SMPDL3B: variants seen among roughly 807,000 people sequenced by gnomAD.
SMPDL3B encodes acid sphingomyelinase-like phosphodiesterase 3b.
In SMPDL3B, 31 loss-of-function variants were observed where a neutral mutation model predicts 37.9. That is an observed-to-expected ratio of 0.82 (90% CI 0.61 to 1.10). The LOEUF (loss-of-function observed/expected upper bound fraction) is 1.10. Among genes scored for constraint, SMPDL3B ranks in the 50% least tolerant of loss-of-function variants. The pLI is 0.00. For missense variants in SMPDL3B, 525 were observed against 597.8 expected (o/e 0.88, Z 1.27); for synonymous variants, 235 against 242.6 (o/e 0.97, Z 0.29).
intron 1 of SMPDL3B, among the ~76,000 whole-genome samples, chr1:27,941,894 T>C (rs1350503955): frequency 2.6e-5 from 4 of 152,094 alleles, no homozygotes; most frequent in Non-Finnish European, 2.9e-5. Context: ...GAGTTGGAGC[T>C]GCCCACCTGG....
chr1:27,945,574 A>C lies in SMPDL3B; in HGVS notation c.275+129A>C. On this transcript the variant is annotated intron_variant, in intron 2 of 7. Coordinates refer to ENST00000373894, the MANE Select transcript of SMPDL3B (RefSeq NM_014474.4). The surrounding 1 kb of genome is among the most constrained non-coding windows in gnomAD (Gnocchi z 4.0). ...GTCTCACGTGAGGCTGAGGAACCTAAAGCTCAAAGGAATTTTGTAACTTGC... is the reference window on the plus strand; with the variant it reads ...GTCTCACGTGAGGCTGAGGAACCTACAGCTCAAAGGAATTTTGTAACTTGC... The C allele has an allele frequency of 1.3e-6, 1 of 763,956 alleles. No individual in the cohort carries two copies. Among genetic ancestry groups the C allele is most frequent in the Non-Finnish European group, 2.2e-6 (1 of 455,404 alleles). The allele number at this position is 763,956 out of a possible 1,614,324, so 47.3% of individuals were successfully genotyped here. A position where few individuals can be genotyped will look rare whatever the true frequency, so the allele number is the denominator to read the frequency against.
At position 27,954,519 on chromosome 1, in the gene SMPDL3B, G is replaced by C; in HGVS notation, c.683G>C (p.Gly228Ala). The change falls in exon 5 of 8, where the codon GGG (glycine) becomes GCG (alanine). Residue 228 changes from glycine to alanine, a missense_variant. By Grantham distance (60) the Gly-to-Ala change is moderately conservative. Transcript: ENST00000373894. ...EDVLTDASKAGDMVYIVGHVP... is the reference protein window; with the variant it reads ...EDVLTDASKAADMVYIVGHVP... ...GTGCTGACCGATGCATCCAAAGCTGGGGACATGGTAAGAGGCCCTGCTTCT... is the reference window on the plus strand; with the variant it reads ...GTGCTGACCGATGCATCCAAAGCTGCGGACATGGTAAGAGGCCCTGCTTCT... 6.2e-7 allele frequency: 1 copy of C among 1,613,732 alleles called. No individual in the cohort carries two copies. The highest frequency in any genetic ancestry group is 8.5e-7 in the Non-Finnish European group (1 of 1,179,930).
At chr1:27,953,121 C>T in intron 3 of SMPDL3B, 94 bp from the exon 4 acceptor site, 1 of 910,982 alleles carries the variant, frequency 1.1e-6, no homozygotes, top group African/African-American at 1.7e-5. Context: ...TCGCTCTTCC[C>T]CTTGAGCTCT....
At position 27,958,638 on chromosome 1, in the gene SMPDL3B, C is replaced by A; in HGVS notation, c.1168C>A (p.Gln390Lys). Residue 390 changes from glutamine to lysine, a missense_variant, in exon 8 of 8, where the codon CAG becomes AAG. Gln to Lys is a moderately conservative substitution (Grantham distance 53). Transcript: ENST00000373894. This position sits in a 1 kb window ranked among gnomAD's most constrained non-coding sequence, Gnocchi z 5.6. ...DRIAGDQSTL[Q>K]RYYVYNSVSY... ...CATCGCTGGCGACCAGAGCACACTG[C>A]AGCGCTACTACGTCTATAACTCAGT... 6.2e-7 allele frequency: 1 copy of A among 1,613,842 alleles called. No individual in the cohort carries two copies. Among genetic ancestry groups the A allele is most frequent in the Non-Finnish European group, 8.5e-7 (1 of 1,179,890 alleles).
At chr1:27,953,452 T>A in intron 4 of SMPDL3B, 94 bp downstream of exon 4, 2 of 1,141,338 alleles carry the variant, frequency 1.8e-6, no homozygotes, top group East Asian at 4.9e-5. Context: ...AGTACTGATT[T>A]TATCCCCAAT....
chr1:27,935,323 C>A, intron 1 of SMPDL3B, 79 bp downstream of exon 1: 1 of 1,062,296 alleles, frequency 9.4e-7, no homozygotes, highest in Non-Finnish European at 1.4e-6. Context: ...TCGCAGCCAG[C>A]TTGAAGGTGC....
At chr1:27,957,435 C>A (rs1557501647) in intron 7 of SMPDL3B, among the ~76,000 whole-genome samples, 1 of 152,020 alleles carries the variant, frequency 6.6e-6, no homozygotes, top group African/African-American at 2.4e-5. Flanking sequence ...GATCAGGCTT[C>A]GGAGGGTCAG....
chr1:27,950,922 G>A (rs1159145087), intron 3 of SMPDL3B, among the ~76,000 whole-genome samples: 4 of 152,128 alleles, frequency 2.6e-5, no homozygotes, highest in South Asian at 2.1e-4. Context: ...GAGCCACTGC[G>A]CCTGGCCTGT....
Position 27,955,696 on chromosome 1 carries a change from G to A in SMPDL3B, c.703G>A (p.Gly235Ser), listed in dbSNP as rs767118489. 149 of 1,613,330 alleles carry A rather than the reference G, an allele frequency of 9.2e-5. No individual in the cohort carries two copies. The highest frequency in any genetic ancestry group is 1.7e-4 in the Middle Eastern group (1 of 5,936). The stretch of plus-strand genomic sequence containing the variant: ...CCCTCCCTTGTAGGTGTACATTGTC[G>A]GCCACGTGCCCCCGGGGTTCTTTGA... ...SKAGDMVYIVGHVPPGFFEKT... is the reference protein window; with the variant it reads ...SKAGDMVYIVSHVPPGFFEKT... The change falls in exon 6 of 8, where the codon GGC (glycine) becomes AGC (serine). Residue 235 changes from glycine to serine, a missense_variant. Coordinates refer to ENST00000373894, the MANE Select transcript of SMPDL3B (RefSeq NM_014474.4).
chr1:27,945,299 G>A lies in SMPDL3B; in HGVS notation c.129G>A (p.Gln43=). Residue 43 remains glutamine (Q), a synonymous_variant, in exon 2 of 8, where the codon CAG becomes CAA. Coordinates refer to ENST00000373894, the MANE Select transcript of SMPDL3B (RefSeq NM_014474.4). This position sits in a 1 kb window ranked among gnomAD's most constrained non-coding sequence, Gnocchi z 4.0. ...ACAAGGTATCCAAAGACCCCTTCCA[G>A]GTGTGCCCATCAGCTGGATCCCAGC... The part of the protein sequence containing the change: ...PDYKVSKDPF[Q]VCPSAGSQPV... 1.2e-6 allele frequency: 2 copies of A among 1,614,190 alleles called. No homozygotes were observed. The highest frequency in any genetic ancestry group is 1.7e-5 in the Admixed American group (1 of 60,022).
At position 27,958,419 on chromosome 1, in the gene SMPDL3B, A is replaced by G. The variant is rs1429143409; in HGVS notation, c.1006-57A>G. The G allele has an allele frequency of 6.5e-7, 1 of 1,547,448 alleles. No homozygotes were observed. Among genetic ancestry groups the G allele is most frequent in the Non-Finnish European group, 8.7e-7 (1 of 1,142,932 alleles). ...CTTGGGGGCAAATGCAAGGTGCAGG[A>G]TGGGGATGGAAGCAGACAACTGCTC... On this transcript the variant is annotated intron_variant, in intron 7 of 7. Transcript: ENST00000373894. The surrounding 1 kb of genome is among the most constrained non-coding windows in gnomAD (Gnocchi z 5.6).
chr1:27,943,108 T>G (rs1315916304), intron 1 of SMPDL3B, among the ~76,000 whole-genome samples: 1 of 152,140 alleles, frequency 6.6e-6, no homozygotes, highest in African/African-American at 2.4e-5. Flanking sequence ...AAGGCACTGG[T>G]TTTTAACCCC....
chr1:27,946,359 A>C (rs1252198712), intron 2 of SMPDL3B, among the ~76,000 whole-genome samples: 1 of 151,930 alleles, frequency 6.6e-6, no homozygotes. Flanking sequence ...GTCTCAAAAA[A>C]AAAAAAGAAA....
At chr1:27,935,780 T>C (rs930994090) in intron 1 of SMPDL3B, among the ~76,000 whole-genome samples, 8 of 152,132 alleles carry the variant, frequency 5.3e-5, no homozygotes, top group African/African-American at 1.9e-4. Context: ...AGAGAAGAGC[T>C]GTCAAATCAG....
intron 7 of SMPDL3B, chr1:27,956,459 G>T (rs1005546550): frequency 8.0e-7 from 1 of 1,249,844 alleles, no homozygotes. Context: ...TCAAGATAAA[G>T]TTGTGTCTCC....
chr1:27,935,116 G>T lies in SMPDL3B; in HGVS notation c.-68G>T. 1 of 1,285,044 alleles carries T rather than the reference G, an allele frequency of 7.8e-7. No individual in the cohort carries two copies. Among genetic ancestry groups the T allele is most frequent in the Non-Finnish European group, 1.1e-6 (1 of 886,964 alleles). 79.6% of individuals were successfully genotyped at this position (1,285,044 alleles called of 1,614,324 possible). On this transcript the variant is annotated 5_prime_UTR_variant, in exon 1 of 8. It adds an upstream start codon to the 5' untranslated region. Coordinates refer to ENST00000373894, the MANE Select transcript of SMPDL3B (RefSeq NM_014474.4). ...GCACGTGGCCACAGAAAACTACTTA[G>T]GAAGCCTGTGGTGAGAACAACAACA... is the stretch of plus-strand genomic sequence containing the variant.
chr1:27,945,212 G>A lies in SMPDL3B; in HGVS notation c.62-20G>A. On this transcript the variant is annotated intron_variant, in intron 1 of 7. Transcript: ENST00000373894. The surrounding 1 kb of genome is among the most constrained non-coding windows in gnomAD (Gnocchi z 4.0). ...TGAGAGAGAGACCAGCTTTGAAGGA[G>A]GATGTTTTTTCCCCTGCAGGGAAGT... is the stretch of plus-strand genomic sequence containing the variant. 6.2e-7 allele frequency: 1 copy of A among 1,611,968 alleles called. No homozygotes were observed. The highest frequency in any genetic ancestry group is 8.5e-7 in the Non-Finnish European group (1 of 1,178,114).
At chr1:27,941,918 G>A (rs1295443925) in intron 1 of SMPDL3B, among the ~76,000 whole-genome samples, 1 of 152,088 alleles carries the variant, frequency 6.6e-6, no homozygotes. Context: ...CCAAGGAGGT[G>A]GAGCTGCCCG....
intron 1 of SMPDL3B, among the ~76,000 whole-genome samples, chr1:27,941,070 C>A (rs538601108): frequency 3.8e-4 from 58 of 152,324 alleles, no homozygotes; most frequent in African/African-American, 1.3e-3. Context: ...GATTAGAAAC[C>A]AGATCTCCCA....
Sources: gnomAD v4.1 joint callset for allele counts (sites outside exome capture counted in the v4.1 genomes callset) on GRCh38, gnomAD v4.1.1 for gene constraint, Gnocchi (gnomAD v3.1) non-coding constraint, MANE v1.5 for transcripts, NCBI Gene and HGNC (gene_info 2026-07-23, HGNC 2026-07-21) for gene names.